Variants in KCTD1 observed in about 807,000 individuals in gnomAD.
KCTD1 encodes potassium channel tetramerization domain containing 1.
A neutral mutation model predicts 66.0 loss-of-function variants in KCTD1; 24 were observed. That is an observed-to-expected ratio of 0.36 (90% confidence interval 0.26 to 0.51). The LOEUF (loss-of-function observed/expected upper bound fraction) is 0.51, where lower values mean the gene tolerates loss of function less well. Among genes scored for constraint, KCTD1 ranks in the 20% least tolerant of loss-of-function variants. KCTD1 has a pLI of 0.95. For missense variants in KCTD1, 943 were observed against 1,205.2 expected, an observed-to-expected ratio of 0.78 and a Z score of 3.22; for synonymous variants, 511 against 517.2, an observed-to-expected ratio of 0.99 and a Z score of 0.16.
Position 26,554,389 on chromosome 18 carries a change from C to T in KCTD1, c.-15-53139G>A, listed in dbSNP as rs1396570941. On this transcript the variant is annotated intron_variant, in intron 1 of 4. Coordinates refer to the KCTD1 transcript ENST00000317932. Reference sequence around the variant, plus strand: ...TGCCAAGGTCTTGGACTGTGACACACGTATAAATGGACTGAGAAACAGTGT... The same window carrying T: ...TGCCAAGGTCTTGGACTGTGACACATGTATAAATGGACTGAGAAACAGTGT... 7.8e-5 allele frequency among the ~76,000 whole-genome samples: 11 copies of T among 140,538 alleles called. 1 individual carries two copies. The highest frequency in any genetic ancestry group is 2.8e-4 in the Admixed American group (4 of 14,382). The allele number at this position is 140,538 out of a possible 152,430, so 92.2% of individuals were successfully genotyped here.
At chr18:26,567,485 GTTGTTT>G (rs1298789110) in intron 1 of KCTD1, among the ~76,000 whole-genome samples, 2 of 118,030 alleles carry the variant, frequency 1.7e-5, no homozygotes, top group Non-Finnish European at 3.4e-5. Context: ...TTCTGTTGTT[GTTGTTT>G]TTTTTTTTTT....
Position 26,639,177 on chromosome 18 carries a change from T to C in KCTD1, c.-107+1134A>G, listed in dbSNP as rs181499354. Among the ~76,000 whole-genome samples the C allele has an allele frequency of 3.9e-5, 6 of 152,254 alleles. No homozygotes were observed. The East Asian group carries it at 5.8e-4, about 15-fold the overall frequency. On this transcript the variant is annotated intron_variant, in intron 1 of 5. Transcript: ENST00000579973. The stretch of plus-strand genomic sequence containing the variant: ...GTTCCTAGTGTGAACAGGGGTCTCA[T>C]TGAGCAGTAGTGAAGTCAGAAGAGC...
intron 1 of KCTD1, among the ~76,000 whole-genome samples, chr18:26,512,817 C>T (rs1215689205): frequency 6.6e-6 from 1 of 151,988 alleles, no homozygotes; most frequent in Admixed American, 6.5e-5. Context: ...CCCATCTCTA[C>T]TAAAAATGCA....
In KCTD1 at chr18:26,554,945, G is replaced by A. The variant is rs892477294; in HGVS notation, c.-15-53695C>T. On this transcript the variant is annotated intron_variant, in intron 1 of 4. Transcript: ENST00000317932. ...AAAGTTAAATGAAACCTAAAATTCA[G>A]AATGATAGTCATTTCTTTCTCTATC... 4.6e-5 allele frequency among the ~76,000 whole-genome samples: 7 copies of A among 152,248 alleles called. No homozygotes were observed. In the South Asian group the frequency reaches 6.2e-4, roughly 14 times the overall value.
intron 1 of KCTD1, among the ~76,000 whole-genome samples, chr18:26,593,529 GAGA>G (rs1377261194): frequency 1.1e-5 from 1 of 88,346 alleles, no homozygotes; most frequent in Admixed American, 1.1e-4. Context: ...AGAAGACAAG[GAGA>G]AGGAGGAGGA....
intron 1 of KCTD1, among the ~76,000 whole-genome samples, chr18:26,651,826 A>G (rs533581522): frequency 6.9e-6 from 1 of 144,856 alleles, no homozygotes; most frequent in South Asian, 2.2e-4. Context: ...AGAAGAAGGT[A>G]AAGTGTACAG....
chr18:26,551,117 G>A (rs941018672), upstream of KCTD1, among the ~76,000 whole-genome samples: 3 of 152,202 alleles, frequency 2.0e-5, no homozygotes, highest in Non-Finnish European at 2.9e-5. Context: ...CCTACTGGGC[G>A]AGCTGCTTTG....
chr18:26,651,261 A>G (rs1568021213), intron 1 of KCTD1, among the ~76,000 whole-genome samples: 1 of 152,250 alleles, frequency 6.6e-6, no homozygotes, highest in Non-Finnish European at 1.5e-5. Flanking sequence ...CTTAAATAGT[A>G]TGTCCTGGAC....
intron 1 of KCTD1, among the ~76,000 whole-genome samples, chr18:26,574,484 G>C (rs1404065503): frequency 1.3e-5 from 2 of 152,170 alleles, no homozygotes; most frequent in African/African-American, 4.8e-5. Context: ...AGAGCACAAG[G>C]GCTTTGAGGG....
At chr18:26,511,516 G>A (rs891523151) in intron 1 of KCTD1, among the ~76,000 whole-genome samples, 16 of 152,144 alleles carry the variant, frequency 1.1e-4, no homozygotes, top group Non-Finnish European at 2.4e-4. Context: ...GGGAAGATGC[G>A]AACAACAGCA....
At chr18:26,608,474 G>A (rs1202686765) in intron 1 of KCTD1, among the ~76,000 whole-genome samples, 2 of 152,204 alleles carry the variant, frequency 1.3e-5, no homozygotes, top group African/African-American at 4.8e-5. Flanking sequence ...AATGATGTTT[G>A]TGACAGAAAG....
At chr18:26,550,333 C>A (rs1169241551), upstream of KCTD1, among the ~76,000 whole-genome samples, 1 of 151,200 alleles carries the variant, frequency 6.6e-6, no homozygotes, top group Non-Finnish European at 1.5e-5. The surrounding 1 kb of genome is among the most constrained non-coding windows in gnomAD (Gnocchi z 5.4). Context: ...CATCAATTTG[C>A]ATTTTTTTTT....
intron 1 of KCTD1, among the ~76,000 whole-genome samples, chr18:26,580,510 C>T (rs1448583248): frequency 1.3e-5 from 2 of 152,096 alleles, no homozygotes; most frequent in East Asian, 3.9e-4. Context: ...TCTCAGCCTG[C>T]GTTGGTGTGG....
intron 1 of KCTD1, among the ~76,000 whole-genome samples, chr18:26,562,077 T>TCGCCCTC (rs1329656280): frequency 6.6e-6 from 1 of 152,140 alleles, no homozygotes; most frequent in Non-Finnish European, 1.5e-5. Flanking sequence ...AACTATGCCT[T>TCGCCCTC]CGCCCTCCGC....
At chr18:26,620,989 C>T (rs960084591) in intron 1 of KCTD1, among the ~76,000 whole-genome samples, 2 of 151,960 alleles carry the variant, frequency 1.3e-5, no homozygotes, top group Admixed American at 6.6e-5. Flanking sequence ...CCCGCCACCA[C>T]GCCCGGCTAA....
upstream of KCTD1, among the ~76,000 whole-genome samples, chr18:26,550,825 C>T (rs922526289): frequency 1.3e-5 from 2 of 152,262 alleles, no homozygotes; most frequent in Middle Eastern, 3.2e-3. This position sits in a 1 kb window ranked among gnomAD's most constrained non-coding sequence, Gnocchi z 5.4. Flanking sequence ...TAGTCACACA[C>T]GGCTAATTCC....
At chr18:26,488,772 C>T (rs1598891703) in intron 2 of KCTD1, among the ~76,000 whole-genome samples, 1 of 152,100 alleles carries the variant, frequency 6.6e-6, no homozygotes, top group African/African-American at 2.4e-5. Flanking sequence ...AGATAAACAG[C>T]AATGTTATTA....
chr18:26,548,081 G>A lies in KCTD1; in HGVS notation c.456C>T (p.Gly152=). 1 of 1,400,942 alleles carries A rather than the reference G, an allele frequency of 7.1e-7. No individual in the cohort carries two copies. The highest frequency in any genetic ancestry group is 9.2e-7 in the Non-Finnish European group (1 of 1,085,838). 86.8% of individuals were successfully genotyped at this position (1,400,942 alleles called of 1,614,324 possible). ...PRARGGPPGD[G]SELDPDVLQR... is the part of the protein sequence containing the mutation. ...GCAGCACGTCGGGGTCCAGCTCGGA[G>A]CCGTCCCCGGGCGGCCCACCGCGGG... The change falls in exon 1 of 5, where the codon GGC becomes GGT. Residue 152 remains glycine (G), a synonymous_variant. Coordinates refer to ENST00000580059, the MANE Select transcript of KCTD1 (RefSeq NM_001142730.3).
chr18:26,636,257 C>T (rs1479429583), intron 1 of KCTD1, among the ~76,000 whole-genome samples: 2 of 152,140 alleles, frequency 1.3e-5, no homozygotes, highest in Non-Finnish European at 2.9e-5. Flanking sequence ...TATTTCATGG[C>T]GGTCTGGTTG....
Sources: allele counts gnomAD v4.1 joint callset (sites outside exome capture counted in the v4.1 genomes callset), GRCh38; gene constraint gnomAD v4.1.1; non-coding constraint Gnocchi (gnomAD v3.1); transcripts MANE v1.5; gene names NCBI Gene and HGNC (gene_info 2026-07-23, HGNC 2026-07-21).